EYS: variants seen among roughly 807,000 people sequenced by gnomAD.
The protein encoded by EYS is EGF-like photoreceptor maintenance factor.
In EYS, 250 loss-of-function variants were observed where a neutral mutation model predicts 282.1. That is an observed-to-expected ratio of 0.89 (90% CI 0.80 to 0.98). The LOEUF (loss-of-function observed/expected upper bound fraction) is 0.98, where lower values mean the gene tolerates loss of function less well. EYS is among the 50% of genes least tolerant of loss of function. EYS has a pLI of 0.00. For synonymous variants in EYS, 1,355 were observed against 1,282.9 expected (o/e 1.06, Z -1.20); for missense variants, 4,016 against 3,709.0 (o/e 1.08, Z -2.15).
chr6:65,374,422 G>T (rs571042054), intron 8 of EYS, among the ~76,000 whole-genome samples: 2 of 151,838 alleles, frequency 1.3e-5, no homozygotes, highest in African/African-American at 2.4e-5. Flanking sequence ...AGATTCCCTC[G>T]TGTGTCTACA....
chr6:64,497,200 T>C (rs1322928372), intron 26 of EYS, among the ~76,000 whole-genome samples: 1 of 152,124 alleles, frequency 6.6e-6, no homozygotes, highest in African/African-American at 2.4e-5. Flanking sequence ...TACTTGCACA[T>C]AGTGTACAAC....
intron 12 of EYS, among the ~76,000 whole-genome samples, chr6:65,292,891 CAG>C (rs1322674637): frequency 6.6e-6 from 1 of 151,590 alleles, no homozygotes; most frequent in Non-Finnish European, 1.5e-5. Flanking sequence ...TTTTGGAGAA[CAG>C]AGTCATAAAG....
At chr6:65,687,186 A>G (rs1379712132) in intron 1 of EYS, among the ~76,000 whole-genome samples, 1 of 152,098 alleles carries the variant, frequency 6.6e-6, no homozygotes, top group Non-Finnish European at 1.5e-5. Context: ...ATGCAACTGA[A>G]TAATTTATGA....
chr6:64,242,582 C>T (rs4391246), intron 30 of EYS, among the ~76,000 whole-genome samples: 39,094 of 151,638 alleles, frequency 0.26, 5,453 homozygotes, highest in East Asian at 0.43. Flanking sequence ...TGTTGTATTA[C>T]TCTCAGCCCC....
At chr6:65,560,259 TA>T (rs113592050) in intron 2 of EYS, among the ~76,000 whole-genome samples, 5 of 145,128 alleles carry the variant, frequency 3.4e-5, no homozygotes, top group African/African-American at 1.2e-4. Flanking sequence ...AATTATTATA[TA>T]TAATATATAA....
At chr6:64,728,039 G>T (rs1032785257) in intron 22 of EYS, among the ~76,000 whole-genome samples, 1 of 152,076 alleles carries the variant, frequency 6.6e-6, no homozygotes, top group African/African-American at 2.4e-5. Flanking sequence ...CTGCTTCTTC[G>T]GGGCGGCAGG....
chr6:65,316,124 T>G (rs1769289035), intron 11 of EYS, among the ~76,000 whole-genome samples: 1 of 152,188 alleles, frequency 6.6e-6, no homozygotes, highest in African/African-American at 2.4e-5. Flanking sequence ...AGTTTAAAAA[T>G]TATTTATCTG....
chr6:64,919,053 T>TAA lies in EYS; in HGVS notation c.2382-6311_2382-6310insTT, dbSNP rs1393587683. Among the ~76,000 whole-genome samples, 50 of 152,332 alleles carry TAA rather than the reference T, an allele frequency of 3.3e-4. 1 individual carries two copies. Among genetic ancestry groups the TAA allele is most frequent in the Admixed American group, 3.3e-3 (50 of 15,302 alleles). The stretch of plus-strand genomic sequence containing the variant: ...AGTATTTTATAGAATCTTAGGTACA[T>TAA]ATGTAGATTCTTTGAAAAGAAATAG... On this transcript the variant is annotated intron_variant, in intron 15 of 42. Coordinates refer to ENST00000503581, the MANE Select transcript of EYS (RefSeq NM_001142800.2).
chr6:65,279,104 C>T (rs1768145980), intron 12 of EYS, among the ~76,000 whole-genome samples: 1 of 152,024 alleles, frequency 6.6e-6, no homozygotes, highest in Non-Finnish European at 1.5e-5. Context: ...GAGAGGATCG[C>T]TTGAACCCAG....
intron 22 of EYS, among the ~76,000 whole-genome samples, chr6:64,735,838 T>C (rs1178554227): frequency 1.3e-5 from 2 of 152,014 alleles, no homozygotes; most frequent in African/African-American, 4.8e-5. Flanking sequence ...CAAATTCCTA[T>C]TTCATGGAGG....
rs546278373 is a variant in EYS, at chr6:63,839,541, G to T, written c.7228+24645C>A. Among the ~76,000 whole-genome samples the T allele has an allele frequency of 1.7e-4, 26 of 152,142 alleles. No homozygotes were observed. The South Asian group carries it at 5.2e-3, about 30-fold the overall frequency. On this transcript the variant is annotated intron_variant, in intron 36 of 42. Transcript: ENST00000503581. ...TATTAAAATATAGAATAGAAACAGG[G>T]TCTCACTATATGGCCCAGAGTGGTT...
intron 34 of EYS, among the ~76,000 whole-genome samples, chr6:63,993,872 G>A (rs1767713944): frequency 6.6e-6 from 1 of 151,800 alleles, no homozygotes; most frequent in Admixed American, 6.6e-5. Context: ...AATGGGAGAG[G>A]TTCCCACTTC....
intron 22 of EYS, among the ~76,000 whole-genome samples, chr6:64,687,913 G>A (rs1325475232): frequency 1.3e-5 from 2 of 152,110 alleles, no homozygotes; most frequent in Admixed American, 6.6e-5. Context: ...GTTATTATTG[G>A]TCTGTTCAGG....
At position 65,395,666 on chromosome 6, in the gene EYS, A is replaced by T. The variant is rs532063915; in HGVS notation, c.1184+6812T>A. Among the ~76,000 whole-genome samples, 9 of 152,214 alleles carry T rather than the reference A, an allele frequency of 5.9e-5. No individual in the cohort carries two copies. In the South Asian group the frequency reaches 1.9e-3, roughly 32 times the overall value. On this transcript the variant is annotated intron_variant, in intron 7 of 42. Coordinates refer to ENST00000503581, the MANE Select transcript of EYS (RefSeq NM_001142800.2). Reference sequence around the variant, plus strand: ...TTTTCGTCTTTATTTTTTTATTGATAAATACTGTTTGTACATATTTATGAG... The same window carrying T: ...TTTTCGTCTTTATTTTTTTATTGATTAATACTGTTTGTACATATTTATGAG...
chr6:63,833,633 C>T lies in EYS; in HGVS notation c.7229-27261G>A, dbSNP rs555188856. On this transcript the variant is annotated intron_variant, in intron 36 of 42. Coordinates refer to ENST00000503581, the MANE Select transcript of EYS (RefSeq NM_001142800.2). ...CAATATCATGAAAATGGCCATACTG[C>T]CCAAGGTAATTTTTAGATTCAATGC... 1.1e-4 allele frequency among the ~76,000 whole-genome samples: 16 copies of T among 152,258 alleles called. No individual in the cohort carries two copies. In the South Asian group the frequency reaches 3.3e-3, roughly 32 times the overall value.
intron 2 of EYS, among the ~76,000 whole-genome samples, chr6:65,579,708 CCA>C (rs769921360): frequency 6.6e-6 from 1 of 152,034 alleles, no homozygotes; most frequent in Non-Finnish European, 1.5e-5. Flanking sequence ...AGTTAGAAAC[CCA>C]CAGTTATAAT....
At chr6:64,754,752 T>G (rs942972761) in intron 22 of EYS, among the ~76,000 whole-genome samples, 2 of 152,092 alleles carry the variant, frequency 1.3e-5, no homozygotes, top group African/African-American at 4.8e-5. Context: ...CAGAATCCCT[T>G]TATGATTAAA....
intron 24 of EYS, among the ~76,000 whole-genome samples, chr6:64,603,475 GA>G (rs1562087079): frequency 6.6e-6 from 1 of 151,908 alleles, no homozygotes; most frequent in African/African-American, 2.4e-5. Context: ...CGCCCTTCTT[GA>G]AAAAATCCAT....
chr6:64,570,356 C>T (rs1765686661), intron 26 of EYS, among the ~76,000 whole-genome samples: 1 of 152,128 alleles, frequency 6.6e-6, no homozygotes, highest in Non-Finnish European at 1.5e-5. Flanking sequence ...TTGTAAAAAC[C>T]ATCGACACTA....
Sources: gnomAD v4.1 joint callset for allele counts (sites outside exome capture counted in the v4.1 genomes callset) on GRCh38, gnomAD v4.1.1 for gene constraint, MANE v1.5 for transcripts, NCBI Gene and HGNC (gene_info 2026-07-23, HGNC 2026-07-21) for gene names.